BMP8A: variants seen among roughly 807,000 people sequenced by gnomAD.
BMP8A encodes the protein BMP-8A.
Under a neutral mutation model 36.8 loss-of-function variants are expected in BMP8A, and 14 were observed. That is an observed-to-expected ratio of 0.38 (90% CI 0.25 to 0.60). BMP8A has a LOEUF of 0.60. BMP8A is among the 20% of genes least tolerant of loss of function. The pLI, the probability that BMP8A is intolerant of heterozygous loss-of-function variation, is 0.63. For missense variants in BMP8A, 267 were observed against 551.1 expected (o/e 0.48, Z 5.16); for synonymous variants, 120 against 237.7 (o/e 0.50, Z 4.55).
intron 6 of BMP8A, chr1:39,523,650 G>GT (rs1414650135): frequency 1.4e-6 from 2 of 1,453,904 alleles, no homozygotes; most frequent in Admixed American, 2.8e-5. Flanking sequence ...GGCTGTCTGT[G>GT]TTTTCTCTGG....
Position 39,529,817 on chromosome 1 carries a change from A to G in BMP8A, c.*4019A>G, listed in dbSNP as rs1030194908. Among the ~76,000 whole-genome samples, 6 of 152,208 alleles carry G rather than the reference A, an allele frequency of 3.9e-5. No individual in the cohort carries two copies. The highest frequency in any genetic ancestry group is 8.8e-5 in the Non-Finnish European group (6 of 68,040). ...ACTGCTTGGTGATCGGATCTATTCAATGTACAAAATATTTTGAAAGTTTCT... is the reference window on the plus strand; with the variant it reads ...ACTGCTTGGTGATCGGATCTATTCAGTGTACAAAATATTTTGAAAGTTTCT... On this transcript the variant is annotated 3_prime_UTR_variant, in exon 7 of 7. Transcript: ENST00000331593.
At chr1:39,498,128 C>T (rs1325335403) in intron 1 of BMP8A, among the ~76,000 whole-genome samples, 1 of 152,254 alleles carries the variant, frequency 6.6e-6, no homozygotes, top group East Asian at 1.9e-4. Flanking sequence ...CCTGGAAACC[C>T]TCTGCCCCTC....
Position 39,491,897 on chromosome 1 carries a change from C to A in BMP8A, c.-95C>A. ...CGCCCGCCGAGCCCCGCCCCCTGCT[C>A]GCCGAACTCAGCTCCCCGTTCGCCG... On this transcript the variant is annotated 5_prime_UTR_variant, in exon 1 of 7. Transcript: ENST00000331593. 3.0e-6 allele frequency: 3 copies of A among 1,004,856 alleles called. No homozygotes were observed. The highest frequency in any genetic ancestry group is 2.4e-6 in the Non-Finnish European group (2 of 836,852). 62.2% of individuals were successfully genotyped at this position (1,004,856 alleles called of 1,614,324 possible). A position where few individuals can be genotyped will look rare whatever the true frequency, so the allele number is the denominator to read the frequency against.
intron 1 of BMP8A, among the ~76,000 whole-genome samples, chr1:39,509,615 A>G (rs115684157): frequency 0.014 from 2,199 of 152,066 alleles, 41 homozygotes; most frequent in African/African-American, 0.05. Context: ...GTCTGGCCCC[A>G]TCCCCCGCCC....
Position 39,525,702 on chromosome 1 carries a change from G to A in BMP8A, c.1113G>A (p.Lys371=), listed in dbSNP as rs769477457. ...CCAAGGCGTGCTGTGCACCCACCAA[G>A]CTGAGCGCCACCTCTGTGCTCTACT... ...AVPKACCAPT[K]LSATSVLYYD... Residue 371 remains lysine (K), a synonymous_variant, in exon 7 of 7, where the codon AAG becomes AAA. Transcript: ENST00000331593. 6.2e-7 allele frequency: 1 copy of A among 1,614,170 alleles called. No individual in the cohort carries two copies. The highest frequency in any genetic ancestry group is 1.1e-5 in the South Asian group (1 of 91,092).
At position 39,525,885 on chromosome 1, in the gene BMP8A, T is replaced by A; in HGVS notation, c.*87T>A. 6.3e-7 allele frequency: 1 copy of A among 1,580,718 alleles called. No homozygotes were observed. Among genetic ancestry groups the A allele is most frequent in the Non-Finnish European group, 8.6e-7 (1 of 1,165,252 alleles). On this transcript the variant is annotated 3_prime_UTR_variant, in exon 7 of 7. Transcript: ENST00000331593. Reference sequence around the variant, plus strand: ...GAAAACCCTTAAATGCTGTCACAGCTCAAGCAGGAGTGTCAGGGGCCCTCA... The same window carrying A: ...GAAAACCCTTAAATGCTGTCACAGCACAAGCAGGAGTGTCAGGGGCCCTCA...
chr1:39,525,956 C>A lies in BMP8A; in HGVS notation c.*158C>A. 2 of 1,254,346 alleles carry A rather than the reference C, an allele frequency of 1.6e-6. No individual in the cohort carries two copies. The highest frequency in any genetic ancestry group is 2.2e-6 in the Non-Finnish European group (2 of 919,014). 77.7% of individuals were successfully genotyped at this position (1,254,346 alleles called of 1,614,324 possible). A position where few individuals can be genotyped will look rare whatever the true frequency, so the allele number is the denominator to read the frequency against. On this transcript the variant is annotated 3_prime_UTR_variant, in exon 7 of 7. Coordinates refer to ENST00000331593, the MANE Select transcript of BMP8A (RefSeq NM_181809.4). ...TCAGGCTTCTGGTCCTTTCTCGGTA[C>A]CTCTGTGCCCCTCCCCTGGGGTTTG... is the stretch of plus-strand genomic sequence containing the variant.
rs1557698956 is a variant in BMP8A at position 39,529,552 on chromosome 1, A to C, written c.*3754A>C. ...CCTTACTGAAAAGTCTTGAGCAAAC[A>C]GTTGCCGCTCTCCACCCCCTGCTTT... On this transcript the variant is annotated 3_prime_UTR_variant, in exon 7 of 7. Transcript: ENST00000331593. 6.6e-6 allele frequency among the ~76,000 whole-genome samples: 1 copy of C among 152,228 alleles called. No homozygotes were observed.
Position 39,491,979 on chromosome 1 carries a change from CCCCCGGCCCGCCATGGCCGCGCG to C in BMP8A, c.-6_17del. ...GGAGCTGATGTGCGCCCGCTGAGCG[CCCCCGGCCCGCCATGGCCGCGCG>C]CCCCGGACCGCTCTGGCTTCTGGGC... On this transcript the variant is annotated start_lost and 5_prime_UTR_variant, in exon 1 of 7. Coordinates refer to ENST00000331593, the MANE Select transcript of BMP8A (RefSeq NM_181809.4). 1 of 1,076,816 alleles carries C rather than the reference CCCCCGGCCCGCCATGGCCGCGCG, an allele frequency of 9.3e-7. No individual in the cohort carries two copies. The highest frequency in any genetic ancestry group is 1.1e-6 in the Non-Finnish European group (1 of 889,630). 66.7% of individuals were successfully genotyped at this position (1,076,816 alleles called of 1,614,324 possible).
intron 1 of BMP8A, among the ~76,000 whole-genome samples, chr1:39,501,257 C>T (rs956941352): frequency 2.0e-5 from 3 of 152,254 alleles, no homozygotes; most frequent in African/African-American, 4.8e-5. Flanking sequence ...CTAGGTCCCA[C>T]CTCCGATCAC....
intron 1 of BMP8A, among the ~76,000 whole-genome samples, chr1:39,507,834 T>G (rs1270688790): frequency 6.6e-6 from 1 of 152,226 alleles, no homozygotes; most frequent in Non-Finnish European, 1.5e-5. Context: ...TTCAAAGTGT[T>G]ATTTTGCAGG....
chr1:39,500,172 C>G, intron 1 of BMP8A, among the ~76,000 whole-genome samples: 1 of 152,242 alleles, frequency 6.6e-6, no homozygotes. Flanking sequence ...ACTGTTCCCT[C>G]TGCCTAGAAG....
chr1:39,526,325 C>T lies in BMP8A; in HGVS notation c.*527C>T, dbSNP rs1018162361. 6.6e-5 allele frequency among the ~76,000 whole-genome samples: 10 copies of T among 151,134 alleles called. No homozygotes were observed. The highest frequency in any genetic ancestry group is 2.4e-4 in the African/African-American group (10 of 40,964). On this transcript the variant is annotated 3_prime_UTR_variant, in exon 7 of 7. Coordinates refer to ENST00000331593, the MANE Select transcript of BMP8A (RefSeq NM_181809.4). ...AAAAAGAATAAGCTGGACATCCCCA[C>T]GAAGCCACTGGGGATTTTTTTTTTT...
chr1:39,506,266 G>A (rs1645300529), intron 1 of BMP8A, among the ~76,000 whole-genome samples: 1 of 152,092 alleles, frequency 6.6e-6, no homozygotes, highest in Non-Finnish European at 1.5e-5. Context: ...CTATAGTGCA[G>A]TGGCGCAATC....
rs1645435744 is a variant in BMP8A at position 39,522,466 on chromosome 1, A to G, written c.932A>G (p.Gln311Arg). The G allele has an allele frequency of 1.9e-6, 3 of 1,613,708 alleles. No individual in the cohort carries two copies. Among genetic ancestry groups the G allele is most frequent in the Non-Finnish European group, 2.5e-6 (3 of 1,179,836 alleles). The part of the protein sequence containing the change: ...CRRHELYVSF[Q>R]DLGWLDWVIA... ...CGGCACGAGCTCTACGTCAGCTTCC[A>G]GGACCTTGGCTGGCTGGTAATTGCT... Residue 311 changes from glutamine (Q) to arginine (R), a missense_variant, in exon 5 of 7, where the codon CAG becomes CGG. By Grantham distance (43) the Gln-to-Arg change is conservative. This residue lies in a region of BMP8A where 132 missense variants were observed against 151.3 expected (regional missense o/e 0.87). Transcript: ENST00000331593.
At chr1:39,493,665 T>A (rs1270275987) in intron 1 of BMP8A, among the ~76,000 whole-genome samples, 1 of 152,204 alleles carries the variant, frequency 6.6e-6, no homozygotes, top group Non-Finnish European at 1.5e-5. Flanking sequence ...CCATTCACCA[T>A]CGCTGAGCGC....
rs780750114 is a variant in BMP8A at position 39,524,393 on chromosome 1, T to A, written c.1060-1256T>A. ...GCACAGAAGCAAACCAACCGTGGAG[T>A]TGACACCTCCTGTGAGGAAGAGCAG... On this transcript the variant is annotated intron_variant, in intron 6 of 6. Coordinates refer to ENST00000331593, the MANE Select transcript of BMP8A (RefSeq NM_181809.4). The surrounding 1 kb of genome is among the most constrained non-coding windows in gnomAD (Gnocchi z 4.0). Among the ~76,000 whole-genome samples the A allele has an allele frequency of 2.6e-5, 4 of 151,646 alleles. No individual in the cohort carries two copies. The highest frequency in any genetic ancestry group is 9.7e-5 in the African/African-American group (4 of 41,238).
chr1:39,516,764 C>G (rs906691937), intron 3 of BMP8A, among the ~76,000 whole-genome samples: 1 of 152,020 alleles, frequency 6.6e-6, no homozygotes, highest in East Asian at 1.9e-4. Flanking sequence ...TTACACAGAG[C>G]GTGCACAGCT....
At chr1:39,522,612 A>G in intron 5 of BMP8A, 130 bp downstream of exon 5, 1 of 1,272,188 alleles carries the variant, frequency 7.9e-7, no homozygotes, top group South Asian at 1.6e-5. Flanking sequence ...GTGTTTTCCA[A>G]GTTTTCTAAA....
Sources: allele counts gnomAD v4.1 joint callset (sites outside exome capture counted in the v4.1 genomes callset), GRCh38; gene constraint gnomAD v4.1.1; regional missense constraint gnomAD v4.1.1; non-coding constraint Gnocchi (gnomAD v3.1); transcripts MANE v1.5; gene names NCBI Gene and HGNC (gene_info 2026-07-23, HGNC 2026-07-21).